The following RAB10 variants were observed in gnomAD, a reference collection of about 807,000 sequenced individuals.
The protein encoded by RAB10 is RAB10, member RAS oncogene family.
Under a neutral mutation model 25.7 loss-of-function variants are expected in RAB10, and 5 were observed. The observed-to-expected ratio is 0.19, with a 90% confidence interval of 0.10 to 0.41. The LOEUF (loss-of-function observed/expected upper bound fraction) is 0.41. RAB10 is among the 10% of genes least tolerant of loss of function. The probability of loss-of-function intolerance (pLI) is 1.00; values close to 1 mark genes in which losing one functional copy is unlikely to be tolerated. For synonymous variants in RAB10, 89 were observed against 86.4 expected (o/e 1.03, Z -0.16); for missense variants, 103 against 245.8 (o/e 0.42, Z 3.89).
At chr2:26,039,435 TC>T (rs1245605272) in intron 1 of RAB10, among the ~76,000 whole-genome samples, 1 of 151,910 alleles carries the variant, frequency 6.6e-6, no homozygotes, top group East Asian at 2.0e-4. Flanking sequence ...AACCTCCACT[TC>T]CCAGATTCAA....
At chr2:26,106,619 C>T (rs914874742) in intron 2 of RAB10, among the ~76,000 whole-genome samples, 1 of 152,214 alleles carries the variant, frequency 6.6e-6, no homozygotes, top group African/African-American at 2.4e-5. Flanking sequence ...GGCACGGTGG[C>T]TCACGCCTAT....
intron 2 of RAB10, among the ~76,000 whole-genome samples, chr2:26,104,231 C>T (rs1038253074): frequency 1.3e-5 from 2 of 152,188 alleles, no homozygotes; most frequent in Admixed American, 6.5e-5. Context: ...TCTCTACATC[C>T]TCACTAACGT....
At chr2:26,056,309 C>T (rs1666264543) in intron 1 of RAB10, among the ~76,000 whole-genome samples, 2 of 152,164 alleles carry the variant, frequency 1.3e-5, no homozygotes, top group African/African-American at 4.8e-5. Context: ...GGCAATTCTC[C>T]TGCCTCAGCT....
intron 2 of RAB10, among the ~76,000 whole-genome samples, chr2:26,102,356 CT>C (rs928527332): frequency 6.7e-6 from 1 of 149,942 alleles, no homozygotes; most frequent in African/African-American, 2.5e-5. Flanking sequence ...GGGATATTGT[CT>C]TATTTTCCAG....
intron 1 of RAB10, among the ~76,000 whole-genome samples, chr2:26,065,937 T>C (rs767558015): frequency 7.9e-5 from 12 of 152,246 alleles, no homozygotes; most frequent in Non-Finnish European, 1.2e-4. Flanking sequence ...TTAGTGGGAA[T>C]ATTGTTTTTA....
intron 3 of RAB10, among the ~76,000 whole-genome samples, chr2:26,119,936 G>A (rs1667767274): frequency 1.3e-5 from 2 of 152,194 alleles, no homozygotes; most frequent in African/African-American, 2.4e-5. Context: ...GTGAGTTGGC[G>A]TGGAGGTGTA....
intron 1 of RAB10, among the ~76,000 whole-genome samples, chr2:26,075,007 C>G (rs563586834): frequency 6.6e-6 from 1 of 152,050 alleles, no homozygotes; most frequent in Non-Finnish European, 1.5e-5. Flanking sequence ...TGGGAAAGGT[C>G]GAAGTTCTTC....
intron 1 of RAB10, among the ~76,000 whole-genome samples, chr2:26,073,487 T>C (rs913206750): frequency 3.3e-5 from 5 of 152,260 alleles, no homozygotes; most frequent in Non-Finnish European, 7.3e-5. Flanking sequence ...ATGTTGTAGC[T>C]GTCACCAGGA....
intron 1 of RAB10, among the ~76,000 whole-genome samples, chr2:26,061,600 AG>A (rs1286634986): frequency 1.6e-4 from 24 of 152,058 alleles, no homozygotes; most frequent in Admixed American, 1.5e-3. Flanking sequence ...TAGGTTTCCC[AG>A]GCTGGTCTCG....
chr2:26,063,268 C>T (rs1302622817), intron 1 of RAB10, among the ~76,000 whole-genome samples: 1 of 152,140 alleles, frequency 6.6e-6, no homozygotes, highest in African/African-American at 2.4e-5. Context: ...AGAAGAGGGA[C>T]CATCTGTTCC....
intron 1 of RAB10, 187 bp from the exon 2 acceptor site, chr2:26,098,475 A>G: frequency 1.9e-6 from 1 of 537,922 alleles, no homozygotes; most frequent in Non-Finnish European, 3.3e-6. Flanking sequence ...TTTTCCTCCT[A>G]TCCTGGATCT....
At chr2:26,087,875 G>C (rs1667021194) in intron 1 of RAB10, among the ~76,000 whole-genome samples, 1 of 152,186 alleles carries the variant, frequency 6.6e-6, no homozygotes, top group Non-Finnish European at 1.5e-5. Context: ...AGGATCTTTA[G>C]AGGAAACTTT....
intron 1 of RAB10, among the ~76,000 whole-genome samples, chr2:26,056,745 G>T (rs1666275716): frequency 6.6e-6 from 1 of 152,120 alleles, no homozygotes; most frequent in South Asian, 2.1e-4. Flanking sequence ...TTACCCATTA[G>T]CCTCCTGAGT....
At chr2:26,134,803 G>A (rs544793186) in intron 5 of RAB10, 135 bp from the exon 6 acceptor site, 34 of 609,806 alleles carry the variant, frequency 5.6e-5, no homozygotes, top group Middle Eastern at 5.9e-4. Flanking sequence ...TACTTTGCAC[G>A]GAGGGGAAAC....
chr2:26,072,879 AAATT>A (rs1264776612), intron 1 of RAB10, among the ~76,000 whole-genome samples: 1 of 152,236 alleles, frequency 6.6e-6, no homozygotes, highest in Non-Finnish European at 1.5e-5. Flanking sequence ...TTAAATACTT[AAATT>A]GTTTTCTTAG....
intron 3 of RAB10, among the ~76,000 whole-genome samples, chr2:26,123,038 T>C (rs979060024): frequency 2.6e-5 from 4 of 152,206 alleles, no homozygotes; most frequent in African/African-American, 9.6e-5. Flanking sequence ...TGCCCTTACG[T>C]ATAAAGTTGC....
chr2:26,068,463 C>T (rs1227663110), intron 1 of RAB10, among the ~76,000 whole-genome samples: 1 of 152,114 alleles, frequency 6.6e-6, no homozygotes, highest in Admixed American at 6.6e-5. Flanking sequence ...TGTGTTTAAA[C>T]TCTTACTGTA....
chr2:26,123,707 G>C (rs888747454), intron 3 of RAB10, among the ~76,000 whole-genome samples: 3 of 152,172 alleles, frequency 2.0e-5, no homozygotes, highest in Non-Finnish European at 4.4e-5. Flanking sequence ...TAGACAATCT[G>C]GCAGAAGGGT....
chr2:26,049,722 A>G (rs1666094468), intron 1 of RAB10, among the ~76,000 whole-genome samples: 1 of 152,056 alleles, frequency 6.6e-6, no homozygotes, highest in Admixed American at 6.6e-5. Context: ...AACCTTTTAT[A>G]ATCTCATCCC....
Sources: gnomAD v4.1 joint callset for allele counts (sites outside exome capture counted in the v4.1 genomes callset) on GRCh38, gnomAD v4.1.1 for gene constraint, MANE v1.5 for transcripts, NCBI Gene and HGNC (gene_info 2026-07-23, HGNC 2026-07-21) for gene names.